CD44: variants seen among roughly 807,000 people sequenced by gnomAD.
The protein encoded by CD44 is CD44 antigen.
In CD44, 49 loss-of-function variants were observed where a neutral mutation model predicts 88.8. That is an observed-to-expected ratio of 0.55 (90% CI 0.44 to 0.70). The LOEUF is 0.70. CD44 is among the 30% of genes least tolerant of loss of function. The pLI is 0.00. For synonymous variants in CD44, 325 were observed against 312.3 expected, an observed-to-expected ratio of 1.04 and a Z score of -0.43; for missense variants, 883 against 913.8, an observed-to-expected ratio of 0.97 and a Z score of 0.43.
intron 7 of CD44, among the ~76,000 whole-genome samples, chr11:35,199,934 G>GTTTTTTTTTTTTTTTTTTTTT (rs60509735): frequency 1.1e-5 from 1 of 90,882 alleles, no homozygotes; most frequent in Non-Finnish European, 2.1e-5. Flanking sequence ...CCATGGTGTT[G>GTTTTTTTTTTTTTTTTTTTTT]TTTTTTTTTT....
At chr11:35,168,361 T>A (rs1021864698) in intron 1 of CD44, among the ~76,000 whole-genome samples, 1 of 152,222 alleles carries the variant, frequency 6.6e-6, no homozygotes, top group Non-Finnish European at 1.5e-5. Flanking sequence ...GTTACTTACA[T>A]CTTCTCAATG....
intron 2 of CD44, among the ~76,000 whole-genome samples, chr11:35,180,027 T>TG (rs1944837201): frequency 6.6e-6 from 1 of 151,014 alleles, no homozygotes; most frequent in African/African-American, 2.4e-5. Flanking sequence ...ATTCCTTTCA[T>TG]GATTTTTTTT....
intron 1 of CD44, among the ~76,000 whole-genome samples, chr11:35,163,454 G>A (rs982069480): frequency 4.6e-5 from 7 of 152,130 alleles, no homozygotes; most frequent in Non-Finnish European, 8.8e-5. Context: ...GGGTAAAAAA[G>A]CATCAATCTA....
In CD44 at chr11:35,229,112, A is replaced by C. The variant is rs768516911; in HGVS notation, c.2025-17A>C. On this transcript the variant is annotated splice_polypyrimidine_tract_variant and intron_variant, in intron 17 of 17. Coordinates refer to ENST00000428726, the MANE Select transcript of CD44 (RefSeq NM_000610.4). The stretch of plus-strand genomic sequence containing the variant: ...CACTGCAATCTTTCTGATATGGTAC[A>C]TTTTTTAAATTATTAGGTGTGGGCA... 19 of 1,602,962 alleles carry C rather than the reference A, an allele frequency of 1.2e-5. No homozygotes were observed. Among genetic ancestry groups the C allele is most frequent in the South Asian group, 6.6e-5 (6 of 90,436 alleles).
At chr11:35,201,457 T>C (rs977906036) in intron 8 of CD44, among the ~76,000 whole-genome samples, 19 of 152,174 alleles carry the variant, frequency 1.2e-4, no homozygotes, top group African/African-American at 4.6e-4. Flanking sequence ...AAACTGATCA[T>C]AGTGGAATAA....
At chr11:35,164,890 G>T (rs991221289) in intron 1 of CD44, among the ~76,000 whole-genome samples, 1 of 152,168 alleles carries the variant, frequency 6.6e-6, no homozygotes, top group African/African-American at 2.4e-5. Context: ...CTGTTTGTAT[G>T]TCCGTTGCAT....
chr11:35,148,291 T>A (rs929739544), intron 1 of CD44, among the ~76,000 whole-genome samples: 2 of 152,134 alleles, frequency 1.3e-5, no homozygotes, highest in Non-Finnish European at 2.9e-5. Flanking sequence ...CTAACAGAGC[T>A]AACTAAGCAC....
chr11:35,205,171 C>T (rs76724133), intron 10 of CD44, among the ~76,000 whole-genome samples: 5 of 152,118 alleles, frequency 3.3e-5, no homozygotes, highest in African/African-American at 4.8e-5. Flanking sequence ...GGTATCTTCT[C>T]TATTCTTGAA....
chr11:35,215,447 T>C (rs751560508), intron 15 of CD44, among the ~76,000 whole-genome samples: 15 of 152,240 alleles, frequency 9.9e-5, no homozygotes, highest in Non-Finnish European at 1.9e-4. Context: ...ATAGAATACA[T>C]GTAAAGCATT....
At chr11:35,148,528 C>T (rs1859664482) in intron 1 of CD44, among the ~76,000 whole-genome samples, 1 of 152,220 alleles carries the variant, frequency 6.6e-6, no homozygotes, top group Non-Finnish European at 1.5e-5. Context: ...TGTAGACTCC[C>T]TTAAGTGACT....
chr11:35,181,914 T>TTATATTTATATATTATAATCTATATATTA (rs1554962187), intron 3 of CD44, among the ~76,000 whole-genome samples: 2 of 67,706 alleles, frequency 3.0e-5, no homozygotes, highest in African/African-American at 8.7e-5. Context: ...ATAATATATA[T>TTATATTTATATATTATAATCTATATATTA]TATATATTAT....
chr11:35,222,518 GT>G, intron 17 of CD44: 1 of 1,071,062 alleles, frequency 9.3e-7, no homozygotes, highest in Non-Finnish European at 1.1e-6. Context: ...CACATGGGCT[GT>G]TTTTATATTC....
intron 1 of CD44, among the ~76,000 whole-genome samples, chr11:35,175,236 G>A (rs1944331523): frequency 6.6e-6 from 1 of 152,236 alleles, no homozygotes; most frequent in African/African-American, 2.4e-5. Context: ...TGAGGTTAGA[G>A]AGGGAGCCAG....
At chr11:35,152,396 G>A (rs1192432297) in intron 1 of CD44, among the ~76,000 whole-genome samples, 2 of 152,158 alleles carry the variant, frequency 1.3e-5, no homozygotes, top group Non-Finnish European at 2.9e-5. Context: ...ATAGCCCCTG[G>A]GTAAGATTAG....
chr11:35,151,811 C>A (rs189965884), intron 1 of CD44, among the ~76,000 whole-genome samples: 2 of 152,318 alleles, frequency 1.3e-5, no homozygotes, highest in Non-Finnish European at 2.9e-5. Flanking sequence ...CAGTCTCTTG[C>A]CCAGAGGGCA....
chr11:35,143,825 C>G (rs1471449638), intron 1 of CD44, among the ~76,000 whole-genome samples: 1 of 152,164 alleles, frequency 6.6e-6, no homozygotes, highest in African/African-American at 2.4e-5. Flanking sequence ...GTCCAGCTGC[C>G]CTCCCAGATA....
At chr11:35,148,027 G>T (rs1249740982) in intron 1 of CD44, among the ~76,000 whole-genome samples, 1 of 151,986 alleles carries the variant, frequency 6.6e-6, no homozygotes, top group African/African-American at 2.4e-5. Flanking sequence ...GGAGGCAGAG[G>T]TTGCAGTGAG....
At chr11:35,214,552 G>T (rs1948669281) in intron 14 of CD44, 3 of 293,032 alleles carry the variant, frequency 1.0e-5, no homozygotes, top group Non-Finnish European at 1.3e-5. Context: ...CCTTACCACA[G>T]TTCTTGGATT....
chr11:35,143,917 A>C (rs1194751513), intron 1 of CD44, among the ~76,000 whole-genome samples: 1 of 152,194 alleles, frequency 6.6e-6, no homozygotes, highest in Non-Finnish European at 1.5e-5. Flanking sequence ...CTCTGCCTGA[A>C]TATTAGGAAA....
Sources: gnomAD v4.1 joint callset for allele counts (sites outside exome capture counted in the v4.1 genomes callset) on GRCh38, gnomAD v4.1.1 for gene constraint, MANE v1.5 for transcripts, NCBI Gene and HGNC (gene_info 2026-07-23, HGNC 2026-07-21) for gene names.